DPP8: variants seen among roughly 807,000 people sequenced by gnomAD.
DPP8 encodes dipeptidyl peptidase 8.
In DPP8, 31 loss-of-function variants were observed where a neutral mutation model predicts 107.5. The observed-to-expected ratio is 0.29, with a 90% CI of 0.22 to 0.39. The LOEUF is 0.39. Among genes scored for constraint, DPP8 ranks in the 10% least tolerant of loss-of-function variants. The pLI, the probability that DPP8 is intolerant of heterozygous loss-of-function variation, is 1.00. For missense variants in DPP8, 842 were observed against 1,076.1 expected, an observed-to-expected ratio of 0.78 and a Z score of 3.04; for synonymous variants, 381 against 356.6, an observed-to-expected ratio of 1.07 and a Z score of -0.77.
In DPP8 at chr15:65,451,875, T is replaced by C. The variant is rs114069961; in HGVS notation, c.2414+85A>G. On this transcript the variant is annotated intron_variant, in intron 18 of 19. Coordinates refer to ENST00000300141, the MANE Select transcript of DPP8 (RefSeq NM_130434.5). ...AGGAGTTTGACGCTGCAGGGAGCCC[T>C]GATCATGCCACTACACTCCAGCCTA... is the stretch of plus-strand genomic sequence containing the variant. 1.5e-3 allele frequency: 2,100 copies of C among 1,354,842 alleles called. 27 individuals carry two copies. In the African/African-American group the frequency reaches 0.028, roughly 18 times the overall value. 83.9% of individuals were successfully genotyped at this position (1,354,842 alleles called of 1,614,324 possible). A position where few individuals can be genotyped will look rare whatever the true frequency, so the allele number is the denominator to read the frequency against.
rs186660488 is a variant in DPP8, at chr15:65,463,305, G to A, written c.1971+456C>T. On this transcript the variant is annotated intron_variant, in intron 15 of 19. Transcript: ENST00000300141. Reference sequence around the variant, plus strand: ...TGTAATCCCAACACTTTGGGAGCCTGAGGCGGGTGGGTCACTTGAGGTCAG... The same window carrying A: ...TGTAATCCCAACACTTTGGGAGCCTAAGGCGGGTGGGTCACTTGAGGTCAG... Among the ~76,000 whole-genome samples, 5 of 152,312 alleles carry A rather than the reference G, an allele frequency of 3.3e-5. No individual in the cohort carries two copies. In the East Asian group the frequency reaches 7.7e-4, roughly 24 times the overall value.
intron 2 of DPP8, among the ~76,000 whole-genome samples, chr15:65,508,824 C>G (rs1464835886): frequency 1.3e-5 from 2 of 151,956 alleles, no homozygotes; most frequent in East Asian, 1.9e-4. Flanking sequence ...TGCACTCCAG[C>G]CTGGGCAACA....
At chr15:65,517,195 A>C (rs2071555530) in intron 1 of DPP8, 1 of 152,286 alleles carries the variant, frequency 6.6e-6, no homozygotes, top group South Asian at 2.1e-4. Flanking sequence ...GACTCAATTA[A>C]GATAACGGAC....
intron 3 of DPP8, among the ~76,000 whole-genome samples, chr15:65,504,686 A>AC (rs1596113457): frequency 6.6e-6 from 1 of 150,626 alleles, no homozygotes; most frequent in Non-Finnish European, 1.5e-5. Flanking sequence ...AAAAAAAAAA[A>AC]CTGTGGTAGA....
intron 8 of DPP8, 72 bp from the exon 9 acceptor site, chr15:65,481,687 T>C: frequency 1.1e-6 from 1 of 929,750 alleles, no homozygotes; most frequent in African/African-American, 1.8e-5. Context: ...TAGTCTACTT[T>C]AACAATTTAT....
At chr15:65,465,592 G>A (rs534955241) in intron 14 of DPP8, among the ~76,000 whole-genome samples, 6 of 135,486 alleles carry the variant, frequency 4.4e-5, no homozygotes, top group South Asian at 2.3e-4. Context: ...TTTTGACTCC[G>A]TCGCCCAGGC....
chr15:65,491,384 CTGTT>C (rs998473850), intron 5 of DPP8, among the ~76,000 whole-genome samples: 4 of 152,004 alleles, frequency 2.6e-5, no homozygotes, highest in African/African-American at 9.7e-5. Context: ...CTTAAATGTA[CTGTT>C]TATTTTTGAA....
intron 7 of DPP8, among the ~76,000 whole-genome samples, chr15:65,486,937 T>G (rs2067498254): frequency 6.6e-6 from 1 of 151,784 alleles, no homozygotes; most frequent in Non-Finnish European, 1.5e-5. Flanking sequence ...AGAGAACTTA[T>G]CCATGTAACC....
chr15:65,474,152 G>T, intron 12 of DPP8, 57 bp downstream of exon 12: 1 of 1,214,936 alleles, frequency 8.2e-7, no homozygotes, highest in Non-Finnish European at 1.2e-6. Context: ...CTCATTTTTA[G>T]CACTGCATTC....
At chr15:65,483,835 C>T (rs938285235) in intron 8 of DPP8, among the ~76,000 whole-genome samples, 1 of 152,056 alleles carries the variant, frequency 6.6e-6, no homozygotes, top group Non-Finnish European at 1.5e-5. Flanking sequence ...TCAAAATGTT[C>T]ATCACCTGAT....
At chr15:65,515,724 C>T (rs745873715) in intron 1 of DPP8, 7 of 1,609,178 alleles carry the variant, frequency 4.4e-6, no homozygotes, top group Non-Finnish European at 6.0e-6. Flanking sequence ...GACTCGACTT[C>T]AAGCATAGAA....
At chr15:65,477,826 C>T (rs2437051) in intron 11 of DPP8, among the ~76,000 whole-genome samples, 9,153 of 152,168 alleles carry the variant, frequency 0.06, 275 homozygotes, top group African/African-American at 0.082. Context: ...GCCACCGTGC[C>T]GGGCCTTTTT....
chr15:65,456,140 C>T, intron 16 of DPP8, 85 bp downstream of exon 16: 1 of 1,471,364 alleles, frequency 6.8e-7, no homozygotes, highest in South Asian at 1.3e-5. Context: ...CCCCTTCCCC[C>T]AACTCTCTTT....
At chr15:65,512,810 G>A in intron 1 of DPP8, 1 of 463,218 alleles carries the variant, frequency 2.2e-6, no homozygotes, top group Non-Finnish European at 3.8e-6. Context: ...CCCTTTGGTA[G>A]CTTTTATAAA....
intron 8 of DPP8, among the ~76,000 whole-genome samples, chr15:65,483,399 G>A (rs2067111666): frequency 6.6e-6 from 1 of 151,914 alleles, no homozygotes; most frequent in Admixed American, 6.6e-5. Context: ...GTGTGTGCCT[G>A]TGGTCCCAGC....
chr15:65,506,857 T>TGG (rs1250342373), intron 3 of DPP8, among the ~76,000 whole-genome samples: 1 of 151,688 alleles, frequency 6.6e-6, no homozygotes, highest in Non-Finnish European at 1.5e-5. Context: ...AAGGTAAAAC[T>TGG]GAACTTTGTA....
At chr15:65,498,988 T>C (rs2068882216) in intron 4 of DPP8, among the ~76,000 whole-genome samples, 1 of 151,146 alleles carries the variant, frequency 6.6e-6, no homozygotes, top group South Asian at 2.1e-4. Flanking sequence ...AGCCCAGGAG[T>C]TTGAGGCTGC....
chr15:65,497,979 C>T lies in DPP8; in HGVS notation c.600G>A (p.Met200Ile). Residue 200 changes from methionine to isoleucine, a missense_variant, in exon 5 of 20, where the codon ATG becomes ATA. Met to Ile is a conservative substitution (Grantham distance 10). Coordinates refer to ENST00000300141, the MANE Select transcript of DPP8 (RefSeq NM_130434.5). The stretch of plus-strand genomic sequence containing the variant: ...GATCAGCAGGGCATAATTTTGGATC[C>T]ATCCGTATGTTGGGACAACTAGTTT... ...LVETSCPNIR[M>I]DPKLCPADPD... 1 of 1,610,708 alleles carries T rather than the reference C, an allele frequency of 6.2e-7. No homozygotes were observed. The highest frequency in any genetic ancestry group is 8.5e-7 in the Non-Finnish European group (1 of 1,177,946).
At chr15:65,473,182 G>A (rs760941314) in intron 12 of DPP8, among the ~76,000 whole-genome samples, 4 of 151,786 alleles carry the variant, frequency 2.6e-5, no homozygotes, top group South Asian at 2.1e-4. Flanking sequence ...AAAATTAGCC[G>A]GGCATGGTGG....
Sources: allele counts gnomAD v4.1 joint callset (sites outside exome capture counted in the v4.1 genomes callset), GRCh38; gene constraint gnomAD v4.1.1; transcripts MANE v1.5; gene names NCBI Gene and HGNC (gene_info 2026-07-23, HGNC 2026-07-21).